Variants in GSE1 observed in about 807,000 individuals in gnomAD.
GSE1 encodes the protein genetic suppressor element 1.
In GSE1, 32 loss-of-function variants were observed where a neutral mutation model predicts 112.6. The ratio of observed to expected loss-of-function variants is 0.28; its 90% CI spans 0.21 to 0.38. GSE1 has a LOEUF of 0.38. GSE1 is among the 10% of genes least tolerant of loss of function. The pLI, the probability that GSE1 is intolerant of heterozygous loss-of-function variation, is 1.00. For missense variants in GSE1, 2,348 were observed against 1,699.2 expected (o/e 1.38, Z -6.71); for synonymous variants, 1,115 against 735.6 (o/e 1.52, Z -8.35).
In GSE1 at chr16:85,600,854, G is replaced by A. The variant is rs2047432624; in HGVS notation, c.37+44491G>A. ...ATTTTGGGGACAGGAGGGCTGTTTG[G>A]CGCTGATGAGGGTTTGTGTCCTCCT... On this transcript the variant is annotated intron_variant, in intron 1 of 2. Coordinates refer to the GSE1 transcript ENST00000635906. Among the ~76,000 whole-genome samples, 4 of 152,256 alleles carry A rather than the reference G, an allele frequency of 2.6e-5. No individual in the cohort carries two copies. The South Asian group carries it at 6.2e-4, about 24-fold the overall frequency.
At chr16:85,510,284 T>C (rs942078156) in intron 2 of GSE1, among the ~76,000 whole-genome samples, 2 of 152,226 alleles carry the variant, frequency 1.3e-5, no homozygotes, top group Non-Finnish European at 2.9e-5. Context: ...GACCCCACTG[T>C]GTGAGGCCCA....
intron 2 of GSE1, among the ~76,000 whole-genome samples, chr16:85,384,340 T>G (rs2047637310): frequency 6.6e-6 from 1 of 152,172 alleles, no homozygotes; most frequent in South Asian, 2.1e-4. Context: ...GCCCATAGCG[T>G]GGCAGATGGG....
rs190981896 is a variant in GSE1, at chr16:85,293,693, C to G, written c.2284-63770C>G. 5.3e-5 allele frequency among the ~76,000 whole-genome samples: 8 copies of G among 152,340 alleles called. No homozygotes were observed. In the East Asian group the frequency reaches 1.5e-3, roughly 29 times the overall value. Reference sequence around the variant, plus strand: ...AGAGTGGGAATCTGTCCGGGCCTTTCTTCCAGTTTCTGGCATTGCCCACAG... The same window carrying G: ...AGAGTGGGAATCTGTCCGGGCCTTTGTTCCAGTTTCTGGCATTGCCCACAG... On this transcript the variant is annotated intron_variant, in intron 1 of 2. Coordinates refer to the GSE1 transcript ENST00000637419.
At chr16:85,536,047 G>C (rs571922446) in intron 2 of GSE1, among the ~76,000 whole-genome samples, 4 of 152,376 alleles carry the variant, frequency 2.6e-5, no homozygotes, top group African/African-American at 9.6e-5. Flanking sequence ...AGAGGGGACA[G>C]TAGCAAAGCA....
At chr16:85,506,621 C>T (rs552836059) in intron 2 of GSE1, among the ~76,000 whole-genome samples, 2 of 151,838 alleles carry the variant, frequency 1.3e-5, no homozygotes, top group African/African-American at 4.8e-5. Context: ...TCTCATGGGT[C>T]GGGTGTTTTC....
chr16:85,497,134 G>A (rs1047030803), intron 2 of GSE1, among the ~76,000 whole-genome samples: 35 of 152,212 alleles, frequency 2.3e-4, no homozygotes, highest in African/African-American at 7.9e-4. Context: ...CCTGACCTCA[G>A]GTGATCCACC....
intron 2 of GSE1, among the ~76,000 whole-genome samples, chr16:85,526,120 A>G (rs1004747988): frequency 6.6e-6 from 1 of 152,110 alleles, no homozygotes; most frequent in Non-Finnish European, 1.5e-5. Context: ...CCTGAGCCTG[A>G]CACCTGACTC....
intron 1 of GSE1, among the ~76,000 whole-genome samples, chr16:85,185,859 G>A (rs1012905020): frequency 6.6e-6 from 1 of 152,216 alleles, no homozygotes; most frequent in Non-Finnish European, 1.5e-5. Flanking sequence ...AGGGCCCTGC[G>A]GGGGCTGGGA....
chr16:85,522,748 A>G (rs1204418338), intron 2 of GSE1, among the ~76,000 whole-genome samples: 3 of 151,868 alleles, frequency 2.0e-5, no homozygotes, highest in Non-Finnish European at 4.4e-5. Flanking sequence ...TACTGTGTGT[A>G]TGTGTGTTGT....
At chr16:85,613,233 A>C, upstream of GSE1, 22 of 1,510,554 alleles carry the variant, frequency 1.5e-5, no homozygotes, top group Non-Finnish European at 1.9e-5. Context: ...CGGCGACAGC[A>C]GCAGGTGTTT....
intron 2 of GSE1, among the ~76,000 whole-genome samples, chr16:85,547,605 G>A (rs554803319): frequency 1.5e-4 from 23 of 152,304 alleles, no homozygotes; most frequent in Admixed American, 5.2e-4. Flanking sequence ...CTGGGGCTAG[G>A]TGTGGTGGCT....
At chr16:85,480,482 T>C (rs2050638415) in intron 2 of GSE1, among the ~76,000 whole-genome samples, 1 of 152,212 alleles carries the variant, frequency 6.6e-6, no homozygotes. Flanking sequence ...CTGAGCCCTC[T>C]TGGGCCTCGA....
chr16:85,260,077 G>A (rs563406245), intron 1 of GSE1, among the ~76,000 whole-genome samples: 1 of 152,220 alleles, frequency 6.6e-6, no homozygotes, highest in African/African-American at 2.4e-5. Flanking sequence ...GTCCCCGTGT[G>A]AGCCCCACAG....
chr16:85,314,372 G>A (rs577316921), intron 1 of GSE1, among the ~76,000 whole-genome samples: 55 of 152,274 alleles, frequency 3.6e-4, no homozygotes, highest in Middle Eastern at 6.8e-3. Flanking sequence ...TGTGTCTCAC[G>A]GGTAGAGGTG....
chr16:85,558,950 C>G (rs928533713), intron 1 of GSE1, among the ~76,000 whole-genome samples: 4 of 151,440 alleles, frequency 2.6e-5, no homozygotes, highest in Non-Finnish European at 3.0e-5. Context: ...CTCCACCTTC[C>G]AGGTTCAAGA....
In GSE1 at chr16:85,328,115, C is replaced by T. The variant is rs190999214; in HGVS notation, c.2284-29348C>T. On this transcript the variant is annotated intron_variant, in intron 1 of 2. Transcript: ENST00000637419. ...GCATGCAGTAGGTGCTCAATAAATG[C>T]TTGGCTGCTCATGCCCAGCCGATGC... is the stretch of plus-strand genomic sequence containing the variant. 3.1e-3 allele frequency among the ~76,000 whole-genome samples: 465 copies of T among 152,370 alleles called. 1 individual carries two copies. The highest frequency in any genetic ancestry group is 5.5e-3 in the Non-Finnish European group (372 of 68,032).
intron 1 of GSE1, among the ~76,000 whole-genome samples, chr16:85,328,410 C>T (rs2046269624): frequency 6.6e-6 from 1 of 152,208 alleles, no homozygotes. Flanking sequence ...GATAAAGGCA[C>T]AGCGGGGGCC....
chr16:85,466,387 GAT>G (rs1350339553), intron 2 of GSE1, among the ~76,000 whole-genome samples: 1 of 152,206 alleles, frequency 6.6e-6, no homozygotes, highest in African/African-American at 2.4e-5. Flanking sequence ...GAACCCTGCG[GAT>G]CCCTGTCATG....
chr16:85,309,095 C>T (rs975407471), intron 1 of GSE1, among the ~76,000 whole-genome samples: 5 of 151,710 alleles, frequency 3.3e-5, no homozygotes, highest in Admixed American at 1.3e-4. Context: ...GCTGCTGCAG[C>T]TGCTGGTCTC....
Sources: allele counts gnomAD v4.1 joint callset (sites outside exome capture counted in the v4.1 genomes callset), GRCh38; gene constraint gnomAD v4.1.1; transcripts MANE v1.5; gene names NCBI Gene and HGNC (gene_info 2026-07-23, HGNC 2026-07-21).